MTRES1: variants seen among roughly 807,000 people sequenced by gnomAD.
MTRES1 encodes uncharacterized protein C6orf203.
A neutral mutation model predicts 17.4 loss-of-function variants in MTRES1; 11 were observed. The observed-to-expected ratio is 0.63, with a 90% CI of 0.40 to 1.05. The LOEUF is 1.05. MTRES1 is among the 50% of genes least tolerant of loss of function. The pLI is 0.00. For synonymous variants in MTRES1, 94 were observed against 99.6 expected (o/e 0.94, Z 0.34); for missense variants, 268 against 276.2 (o/e 0.97, Z 0.21).
intron 3 of MTRES1, among the ~76,000 whole-genome samples, chr6:107,046,224 C>T (rs562761092): frequency 1.3e-5 from 2 of 152,276 alleles, no homozygotes; most frequent in South Asian, 4.1e-4. Flanking sequence ...TGCAGTATTC[C>T]AAAAACAAGA....
intron 1 of MTRES1, among the ~76,000 whole-genome samples, chr6:107,032,255 C>T (rs1582592341): frequency 1.3e-5 from 2 of 152,300 alleles, no homozygotes; most frequent in African/African-American, 4.8e-5. Flanking sequence ...GATTCATTTC[C>T]TCACATATGC....
intron 3 of MTRES1, 48 bp from the exon 4 acceptor site, chr6:107,051,009 T>C (rs782240279): frequency 6.6e-7 from 1 of 1,508,224 alleles, no homozygotes; most frequent in Non-Finnish European, 9.1e-7. Context: ...TGCATTGGCC[T>C]GGATTTCCCG....
intron 1 of MTRES1, among the ~76,000 whole-genome samples, chr6:107,032,762 G>A (rs1170198383): frequency 6.6e-6 from 1 of 152,128 alleles, no homozygotes; most frequent in African/African-American, 2.4e-5. Context: ...ATCCTTGAAT[G>A]AGAGAAAAAT....
At chr6:107,034,297 G>A (rs1156973746) in intron 1 of MTRES1, among the ~76,000 whole-genome samples, 1 of 152,136 alleles carries the variant, frequency 6.6e-6, no homozygotes, top group Non-Finnish European at 1.5e-5. Flanking sequence ...GATGGGGAGT[G>A]TGGGCACCCA....
intron 1 of MTRES1, among the ~76,000 whole-genome samples, chr6:107,039,011 G>A (rs782428746): frequency 6.6e-6 from 1 of 152,056 alleles, no homozygotes; most frequent in South Asian, 2.1e-4. Context: ...CCGAGATCAC[G>A]CCATTGCACT....
At chr6:107,034,624 G>C (rs1310444799) in intron 1 of MTRES1, among the ~76,000 whole-genome samples, 2 of 152,206 alleles carry the variant, frequency 1.3e-5, no homozygotes, top group Non-Finnish European at 2.9e-5. Context: ...AGATGGGCTT[G>C]TCGCAAGGAA....
At chr6:107,036,028 A>T (rs1773996059) in intron 1 of MTRES1, among the ~76,000 whole-genome samples, 1 of 152,134 alleles carries the variant, frequency 6.6e-6, no homozygotes, top group South Asian at 2.1e-4. Flanking sequence ...ATGAAAAAAT[A>T]TTATTGCATA....
chr6:107,047,138 C>T (rs922838297), intron 3 of MTRES1, among the ~76,000 whole-genome samples: 3 of 152,180 alleles, frequency 2.0e-5, no homozygotes, highest in African/African-American at 7.2e-5. Context: ...CTAGCCTTCT[C>T]TATCCAGAGG....
chr6:107,041,364 T>C (rs1774209101), intron 2 of MTRES1, among the ~76,000 whole-genome samples: 1 of 72,610 alleles, frequency 1.4e-5, no homozygotes, highest in South Asian at 4.4e-4. Context: ...TGACAGAACC[T>C]AGTTTAGAGA....
intron 1 of MTRES1, among the ~76,000 whole-genome samples, chr6:107,036,541 C>CA (rs1305730052): frequency 6.6e-6 from 1 of 151,066 alleles, no homozygotes; most frequent in Non-Finnish European, 1.5e-5. Context: ...AACTCCATCT[C>CA]AAAAAAAGTT....
chr6:107,033,141 T>C (rs1438218730), intron 1 of MTRES1, among the ~76,000 whole-genome samples: 3 of 152,110 alleles, frequency 2.0e-5, no homozygotes, highest in Non-Finnish European at 4.4e-5. Flanking sequence ...CATTCACTGG[T>C]TTTGGTATGT....
Position 107,051,239 on chromosome 6 carries a change from G to T in MTRES1, c.*3G>T. ...CTAAGAAGAGAATGTCTAAATAAAT[G>T]GATTGCTTTTTAGCAATAGAGCTGC... On this transcript the variant is annotated 3_prime_UTR_variant, in exon 4 of 4. Coordinates refer to ENST00000311381, the MANE Select transcript of MTRES1 (RefSeq NM_016487.5). The T allele has an allele frequency of 6.2e-7, 1 of 1,609,788 alleles. No individual in the cohort carries two copies. Among genetic ancestry groups the T allele is most frequent in the Non-Finnish European group, 8.5e-7 (1 of 1,177,968 alleles).
chr6:107,043,689 GT>G (rs2114964042), intron 2 of MTRES1, among the ~76,000 whole-genome samples: 1 of 152,302 alleles, frequency 6.6e-6, no homozygotes, highest in South Asian at 2.1e-4. Context: ...AAGAGGAGGC[GT>G]TGGACTTGCT....
chr6:107,031,443 GTCTTT>G (rs138063374), intron 1 of MTRES1, among the ~76,000 whole-genome samples: 86,183 of 120,908 alleles, frequency 0.71, 28,397 homozygotes, highest in East Asian at 0.8. Context: ...CAGCAAAGGA[GTCTTT>G]TCTTTTTTTT....
chr6:107,038,733 A>G (rs1774088778), intron 1 of MTRES1, among the ~76,000 whole-genome samples: 1 of 152,194 alleles, frequency 6.6e-6, no homozygotes, highest in Non-Finnish European at 1.5e-5. Flanking sequence ...ATGTCAGTCA[A>G]CAGTCTTTCT....
intron 1 of MTRES1, among the ~76,000 whole-genome samples, chr6:107,033,352 A>G (rs966792070): frequency 4.0e-5 from 6 of 151,560 alleles, no homozygotes; most frequent in Admixed American, 1.3e-4. Context: ...AGAGGAGACC[A>G]TGACAAAGGG....
In MTRES1 at chr6:107,040,096, T is replaced by C. The variant is rs1554227472; in HGVS notation, c.336T>C (p.His112=). 1 of 1,613,900 alleles carries C rather than the reference T, an allele frequency of 6.2e-7. No individual in the cohort carries two copies. Residue 112 remains histidine, a synonymous_variant, in exon 2 of 4, where the codon CAT becomes CAC. Coordinates refer to ENST00000311381, the MANE Select transcript of MTRES1 (RefSeq NM_016487.5). ...DEEDSDEESH[H]DEMSEQEEEL... is the part of the protein sequence containing the mutation. ...AGGACTCTGATGAAGAAAGCCATCA[T>C]GATGAGATGAGTGAGCAGGAAGAGG... is the stretch of plus-strand genomic sequence containing the variant.
At chr6:107,035,980 A>G (rs988744725) in intron 1 of MTRES1, among the ~76,000 whole-genome samples, 2 of 152,126 alleles carry the variant, frequency 1.3e-5, no homozygotes, top group African/African-American at 4.8e-5. Context: ...AATTTTCTAC[A>G]TGAAAATTTA....
At chr6:107,035,967 T>C (rs1396787834) in intron 1 of MTRES1, among the ~76,000 whole-genome samples, 1 of 152,130 alleles carries the variant, frequency 6.6e-6, no homozygotes, top group Non-Finnish European at 1.5e-5. Flanking sequence ...TCATATTTTT[T>C]CAAATTTTCT....
Sources: allele counts gnomAD v4.1 joint callset (sites outside exome capture counted in the v4.1 genomes callset), GRCh38; gene constraint gnomAD v4.1.1; transcripts MANE v1.5; gene names NCBI Gene and HGNC (gene_info 2026-07-23, HGNC 2026-07-21).